The following VAV3 variants were observed in gnomAD, a reference collection of about 807,000 sequenced individuals.
VAV3 encodes the protein guanine nucleotide exchange factor VAV3.
A neutral mutation model predicts 131.2 loss-of-function variants in VAV3; 94 were observed. The ratio of observed to expected loss-of-function variants is 0.72; its 90% confidence interval spans 0.61 to 0.85. The LOEUF (loss-of-function observed/expected upper bound fraction) is 0.85. Ranked by LOEUF, VAV3 falls within the 40% of genes least tolerant of loss-of-function variation. The pLI, the probability that VAV3 is intolerant of heterozygous loss-of-function variation, is 0.00. For missense variants in VAV3, 939 were observed against 1,002.7 expected (o/e 0.94, Z 0.86); for synonymous variants, 349 against 342.0 (o/e 1.02, Z -0.22).
At chr1:107,773,009 CAAT>C (rs1665140783) in intron 4 of VAV3, among the ~76,000 whole-genome samples, 166 bp from the exon 5 acceptor site, 1 of 152,198 alleles carries the variant, frequency 6.6e-6, no homozygotes, top group African/African-American at 2.4e-5. Flanking sequence ...TTAATAGGTA[CAAT>C]GACAACTACA....
chr1:107,673,955 G>A (rs1297853095), intron 19 of VAV3, among the ~76,000 whole-genome samples: 2 of 152,272 alleles, frequency 1.3e-5, no homozygotes, highest in East Asian at 3.9e-4. Context: ...TCTAGCAAAA[G>A]AAGCTCAAGT....
intron 1 of VAV3, among the ~76,000 whole-genome samples, chr1:107,878,215 T>C (rs537595730): frequency 6.6e-6 from 1 of 152,260 alleles, no homozygotes; most frequent in Non-Finnish European, 1.5e-5. Context: ...GACTCCTAAA[T>C]ACTCTGACTC....
chr1:107,655,244 C>A (rs1203186921), intron 19 of VAV3, among the ~76,000 whole-genome samples: 3 of 151,978 alleles, frequency 2.0e-5, no homozygotes, highest in Non-Finnish European at 4.4e-5. Flanking sequence ...CTATAGTAGC[C>A]AAATCAGCAT....
chr1:107,914,899 A>G (rs1672537640), intron 1 of VAV3, among the ~76,000 whole-genome samples: 1 of 152,246 alleles, frequency 6.6e-6, no homozygotes. Context: ...CCTGGAGGCT[A>G]GCACAGGACT....
At chr1:107,851,191 G>A (rs201479436) in intron 2 of VAV3, among the ~76,000 whole-genome samples, 87 of 135,540 alleles carry the variant, frequency 6.4e-4, no homozygotes, top group South Asian at 1.4e-3. Context: ...AAAAAAAAAA[G>A]AAGCCGGCCC....
chr1:107,575,253 A>G (rs972438546), intron 25 of VAV3, among the ~76,000 whole-genome samples: 2 of 152,294 alleles, frequency 1.3e-5, no homozygotes, highest in East Asian at 3.9e-4. Context: ...GTGAAACTTT[A>G]TAAATCTTAA....
At chr1:107,816,725 A>T (rs1667574991) in intron 2 of VAV3, among the ~76,000 whole-genome samples, 1 of 152,246 alleles carries the variant, frequency 6.6e-6, no homozygotes. Flanking sequence ...TGGAAAATAT[A>T]AAATGTACAC....
At chr1:107,608,362 G>T (rs1356741400) in intron 22 of VAV3, among the ~76,000 whole-genome samples, 1 of 152,068 alleles carries the variant, frequency 6.6e-6, no homozygotes, top group Non-Finnish European at 1.5e-5. Context: ...ATGAAAAATG[G>T]TATAAGAGAA....
At chr1:107,638,345 G>T (rs931801163) in intron 20 of VAV3, among the ~76,000 whole-genome samples, 6 of 152,016 alleles carry the variant, frequency 3.9e-5, no homozygotes, top group Non-Finnish European at 5.9e-5. Context: ...AAGAGTTAAA[G>T]AATAAGAGAT....
chr1:107,712,140 TTATAAA>T (rs1660825229), intron 15 of VAV3, among the ~76,000 whole-genome samples: 1 of 152,196 alleles, frequency 6.6e-6, no homozygotes, highest in Admixed American at 6.5e-5. Flanking sequence ...ACACGCACAC[TTATAAA>T]TATACAATGA....
intron 1 of VAV3, among the ~76,000 whole-genome samples, chr1:107,921,796 TAAG>T (rs571188624): frequency 5.3e-5 from 8 of 152,184 alleles, no homozygotes; most frequent in South Asian, 2.1e-4. Flanking sequence ...AATTTGCAAA[TAAG>T]AAGGCATTAA....
At chr1:107,878,646 T>C (rs1292881095) in intron 1 of VAV3, among the ~76,000 whole-genome samples, 1 of 152,180 alleles carries the variant, frequency 6.6e-6, no homozygotes, top group African/African-American at 2.4e-5. Flanking sequence ...TACTGTGAAC[T>C]TCATATTTCA....
At chr1:107,669,453 A>G in intron 19 of VAV3, 1 of 1,289,590 alleles carries the variant, frequency 7.8e-7, no homozygotes, top group Non-Finnish European at 1.0e-6. Context: ...AAATAAAGAA[A>G]TGAAGGAGAC....
intron 1 of VAV3, chr1:107,963,696 G>A (rs1196760939): frequency 6.6e-6 from 1 of 152,224 alleles, no homozygotes; most frequent in African/African-American, 2.4e-5. Context: ...GCTGAAATGT[G>A]TCAGGGAGAG....
At chr1:107,719,744 A>C (rs374927531) in intron 15 of VAV3, among the ~76,000 whole-genome samples, 1 of 152,338 alleles carries the variant, frequency 6.6e-6, no homozygotes, top group East Asian at 1.9e-4. Flanking sequence ...ATGCTACTAT[A>C]AAGACACATG....
intron 25 of VAV3, among the ~76,000 whole-genome samples, chr1:107,579,427 T>C (rs1274781858): frequency 2.0e-5 from 3 of 152,216 alleles, no homozygotes; most frequent in African/African-American, 7.2e-5. Context: ...CAAAGTCCCA[T>C]GTTTCCCCCC....
intron 15 of VAV3, 125 bp from the exon 16 acceptor site, chr1:107,705,186 T>TA: frequency 1.4e-6 from 1 of 721,836 alleles, no homozygotes; most frequent in Non-Finnish European, 2.3e-6. Flanking sequence ...AAATGACTAC[T>TA]AAATGTGCAA....
chr1:107,788,399 C>T (rs1487202854), intron 2 of VAV3, among the ~76,000 whole-genome samples: 1 of 152,106 alleles, frequency 6.6e-6, no homozygotes, highest in East Asian at 1.9e-4. Flanking sequence ...CACCCAACTG[C>T]TTTGCCTGCT....
chr1:107,666,478 C>T (rs1448952970), intron 19 of VAV3, among the ~76,000 whole-genome samples: 3 of 152,152 alleles, frequency 2.0e-5, no homozygotes, highest in African/African-American at 7.2e-5. Context: ...GATGTCTGGA[C>T]CAGGAGCCAC....
Sources: allele counts gnomAD v4.1 joint callset (sites outside exome capture counted in the v4.1 genomes callset), GRCh38; gene constraint gnomAD v4.1.1; transcripts MANE v1.5; gene names NCBI Gene and HGNC (gene_info 2026-07-23, HGNC 2026-07-21).